ALDH18A1: variants seen among roughly 807,000 people sequenced by gnomAD.
The protein encoded by ALDH18A1 is aldehyde dehydrogenase 18 family member A1.
Under a neutral mutation model 88.8 loss-of-function variants are expected in ALDH18A1, and 44 were observed. The ratio of observed to expected loss-of-function variants is 0.50; its 90% CI spans 0.39 to 0.64. ALDH18A1 has a LOEUF of 0.64. Among genes scored for constraint, ALDH18A1 ranks in the 30% least tolerant of loss-of-function variants. The pLI is 0.00. For missense variants in ALDH18A1, 782 were observed against 1,009.5 expected (o/e 0.77, Z 3.05); for synonymous variants, 331 against 372.1 (o/e 0.89, Z 1.27).
intron 12 of ALDH18A1, among the ~76,000 whole-genome samples, chr10:95,620,478 C>A (rs1235632944): frequency 6.6e-6 from 1 of 152,214 alleles, no homozygotes; most frequent in Non-Finnish European, 1.5e-5. Context: ...AAGACACATG[C>A]ACACGTATGT....
intron 11 of ALDH18A1, among the ~76,000 whole-genome samples, chr10:95,623,201 T>A (rs2097855568): frequency 6.6e-6 from 1 of 152,204 alleles, no homozygotes; most frequent in African/African-American, 2.4e-5. Flanking sequence ...ATGTTAAATG[T>A]TACATCCTAG....
intron 1 of ALDH18A1, among the ~76,000 whole-genome samples, chr10:95,654,243 C>A (rs1323971350): frequency 6.6e-6 from 1 of 150,872 alleles, no homozygotes; most frequent in African/African-American, 2.4e-5. Flanking sequence ...CGGCTCACTG[C>A]AACCTCTGTC....
Position 95,637,167 on chromosome 10 carries a change from C to G in ALDH18A1, c.484G>C (p.Ala162Pro). 6.2e-7 allele frequency: 1 copy of G among 1,614,204 alleles called. No homozygotes were observed. The highest frequency in any genetic ancestry group is 8.5e-7 in the Non-Finnish European group (1 of 1,180,048). The change falls in exon 5 of 18, where the codon GCA becomes CCA. Residue 162 changes from alanine to proline, a missense_variant. This residue lies in a region of ALDH18A1 where 132 missense variants were observed against 255.5 expected (regional missense o/e 0.52). Coordinates refer to ENST00000371224, the MANE Select transcript of ALDH18A1 (RefSeq NM_002860.4). ...ATCAGCCCACTCTGTCCGGCAGCTG[C>G]ACAGGCTCGTGCCTCTAAGACTGGA... ...AIPVLEARAC[A>P]AAGQSGLMAL...
intron 11 of ALDH18A1, among the ~76,000 whole-genome samples, chr10:95,622,607 G>A (rs372942969): frequency 2.3e-4 from 35 of 152,160 alleles, no homozygotes; most frequent in African/African-American, 6.3e-4. Context: ...GCGCAATCTC[G>A]GCTCACTGCA....
intron 17 of ALDH18A1, among the ~76,000 whole-genome samples, chr10:95,609,684 T>G (rs1239384567): frequency 6.6e-6 from 1 of 152,108 alleles, no homozygotes; most frequent in Non-Finnish European, 1.5e-5. Context: ...TGTGAAATGC[T>G]TAGAAGATAG....
At chr10:95,619,425 T>C (rs138781285) in intron 12 of ALDH18A1, among the ~76,000 whole-genome samples, 5,113 of 152,246 alleles carry the variant, frequency 0.034, 114 homozygotes, top group Non-Finnish European at 0.049. Flanking sequence ...CTTCACAGAA[T>C]TGGAAAAACT....
intron 7 of ALDH18A1, among the ~76,000 whole-genome samples, chr10:95,631,401 G>A (rs2097869135): frequency 1.3e-5 from 2 of 152,136 alleles, no homozygotes; most frequent in African/African-American, 4.8e-5. Context: ...ACCACAGTAA[G>A]ATATTACTTC....
At chr10:95,615,023 T>C (rs1589487718) in intron 13 of ALDH18A1, among the ~76,000 whole-genome samples, 2 of 152,302 alleles carry the variant, frequency 1.3e-5, no homozygotes, top group East Asian at 3.9e-4. Context: ...TGATCTCATT[T>C]ATATAAATTT....
chr10:95,622,812 C>G (rs2097854885), intron 11 of ALDH18A1, among the ~76,000 whole-genome samples: 1 of 152,152 alleles, frequency 6.6e-6, no homozygotes, highest in African/African-American at 2.4e-5. Context: ...GCTGGGATTA[C>G]AGGCATGAGA....
intron 13 of ALDH18A1, among the ~76,000 whole-genome samples, chr10:95,614,977 G>A (rs895033019): frequency 6.6e-5 from 10 of 152,122 alleles, no homozygotes; most frequent in Non-Finnish European, 1.0e-4. Context: ...CAGACATAAC[G>A]AACAAATGAC....
chr10:95,643,250 A>C lies in ALDH18A1; in HGVS notation c.89-44T>G, dbSNP rs759378566. The C allele has an allele frequency of 4.4e-6, 7 of 1,589,812 alleles. No homozygotes were observed. In the East Asian group the frequency reaches 1.6e-4, roughly 36 times the overall value. ...AATGCAAGAAAAAAAGAAATACTCA[A>C]TATAGTTTTTCAATAAAAATATACA... On this transcript the variant is annotated intron_variant, in intron 2 of 17. Coordinates refer to ENST00000371224, the MANE Select transcript of ALDH18A1 (RefSeq NM_002860.4).
At chr10:95,611,485 G>A in intron 15 of ALDH18A1, 43 bp from the exon 16 acceptor site, 1 of 1,603,054 alleles carries the variant, frequency 6.2e-7, no homozygotes, top group Non-Finnish European at 8.5e-7. Context: ...AAAAACAACT[G>A]AAATAAGCAA....
At chr10:95,655,385 G>A (rs79059926) in intron 1 of ALDH18A1, among the ~76,000 whole-genome samples, 2,699 of 152,250 alleles carry the variant, frequency 0.018, 82 homozygotes, top group African/African-American at 0.062. Context: ...AGGCACTAAT[G>A]ATGCCTTACA....
intron 5 of ALDH18A1, among the ~76,000 whole-genome samples, chr10:95,635,706 G>C (rs746638194): frequency 2.8e-4 from 43 of 152,180 alleles, no homozygotes; most frequent in African/African-American, 3.9e-4. Flanking sequence ...GGAACTGGAG[G>C]GGGCAGGGCT....
intron 3 of ALDH18A1, among the ~76,000 whole-genome samples, chr10:95,638,572 T>C (rs558443768): frequency 2.6e-5 from 4 of 152,238 alleles, no homozygotes; most frequent in South Asian, 4.2e-4. Flanking sequence ...ACTCAGTAGA[T>C]GGCTTCTCAG....
In ALDH18A1 at chr10:95,606,872, T is replaced by G; in HGVS notation, c.2278A>C (p.Thr760Pro). The stretch of plus-strand genomic sequence containing the variant: ...TCCTTCCCTCGCAGCAGCCACTTAG[T>G]AGTAAGCAGTCCCTCAAGTCCTACT... Reference protein sequence around the residue: ...GPVGLEGLLTTKWLLRGKDHV... With the variant: ...GPVGLEGLLTPKWLLRGKDHV... The change falls in exon 18 of 18, where the codon ACT (threonine) becomes CCT (proline). Residue 760 changes from threonine to proline, a missense_variant. Coordinates refer to ENST00000371224, the MANE Select transcript of ALDH18A1 (RefSeq NM_002860.4). 6.2e-7 allele frequency: 1 copy of G among 1,614,190 alleles called. No individual in the cohort carries two copies. The highest frequency in any genetic ancestry group is 8.5e-7 in the Non-Finnish European group (1 of 1,180,034).
intron 13 of ALDH18A1, 149 bp from the exon 14 acceptor site, chr10:95,614,310 C>T (rs1013442847): frequency 4.8e-5 from 42 of 874,146 alleles, no homozygotes; most frequent in Non-Finnish European, 6.8e-5. Context: ...AAATTAAGTT[C>T]CCGATCATGG....
intron 5 of ALDH18A1, 124 bp from the exon 6 acceptor site, chr10:95,633,773 G>T: frequency 3.0e-6 from 2 of 671,036 alleles, no homozygotes; most frequent in East Asian, 3.8e-5. Flanking sequence ...CAGATTAGAA[G>T]ATTAGAATGA....
At chr10:95,650,040 A>T (rs2097907876) in intron 2 of ALDH18A1, among the ~76,000 whole-genome samples, 1 of 152,086 alleles carries the variant, frequency 6.6e-6, no homozygotes, top group Non-Finnish European at 1.5e-5. Context: ...AGCCCTGGGT[A>T]ACAACAGAGC....
Sources: allele counts gnomAD v4.1 joint callset (sites outside exome capture counted in the v4.1 genomes callset), GRCh38; gene constraint gnomAD v4.1.1; regional missense constraint gnomAD v4.1.1; transcripts MANE v1.5; gene names NCBI Gene and HGNC (gene_info 2026-07-23, HGNC 2026-07-21).